UBE3D: variants seen among roughly 807,000 people sequenced by gnomAD.
The protein encoded by UBE3D is E3 ubiquitin-protein ligase E3D.
A neutral mutation model predicts 49.6 loss-of-function variants in UBE3D; 48 were observed. The ratio of observed to expected loss-of-function variants is 0.97; its 90% CI spans 0.77 to 1.23. The LOEUF (loss-of-function observed/expected upper bound fraction) is 1.23, where lower values mean the gene tolerates loss of function less well. Among genes scored for constraint, UBE3D ranks in the 50% most tolerant of loss-of-function variants. The pLI is 0.00. For missense variants in UBE3D, 452 were observed against 468.4 expected, an observed-to-expected ratio of 0.96 and a Z score of 0.32; for synonymous variants, 189 against 174.2, an observed-to-expected ratio of 1.08 and a Z score of -0.67.
At chr6:83,030,157 C>T (rs367939282) in intron 5 of UBE3D, among the ~76,000 whole-genome samples, 3 of 151,988 alleles carry the variant, frequency 2.0e-5, no homozygotes, top group Non-Finnish European at 4.4e-5. Flanking sequence ...ACCCTTTGTG[C>T]AGCAGGTGGT....
intron 9 of UBE3D, among the ~76,000 whole-genome samples, chr6:82,920,942 AT>A (rs377206246): frequency 0.14 from 18,608 of 136,654 alleles, 1,201 homozygotes; most frequent in South Asian, 0.16. Context: ...AAAAATGCTG[AT>A]TTTTTTTTTT....
chr6:82,914,805 A>G (rs1236070751), intron 9 of UBE3D, among the ~76,000 whole-genome samples: 1 of 152,140 alleles, frequency 6.6e-6, no homozygotes, highest in Non-Finnish European at 1.5e-5. Context: ...GCTTCCCAAC[A>G]TCTTTGTGAA....
intron 4 of UBE3D, among the ~76,000 whole-genome samples, chr6:83,039,162 T>TTA (rs1342021573): frequency 6.6e-6 from 1 of 152,190 alleles, no homozygotes; most frequent in Non-Finnish European, 1.5e-5. Context: ...CCATCCATAG[T>TTA]TATACCTTTG....
At chr6:82,914,707 A>G (rs1772783752) in intron 9 of UBE3D, among the ~76,000 whole-genome samples, 1 of 152,140 alleles carries the variant, frequency 6.6e-6, no homozygotes, top group Admixed American at 6.6e-5. Context: ...CTCATTTTTG[A>G]AAAAATAATT....
In UBE3D at chr6:83,007,372, T is replaced by C. The variant is rs183702175; in HGVS notation, c.1010+11601A>G. On this transcript the variant is annotated intron_variant, in intron 8 of 9. Transcript: ENST00000369747. Reference sequence around the variant, plus strand: ...GAAGAACCACTACCAATACCAATACTAGGACTCATGTAACTTACAAAGTGA... The same window carrying C: ...GAAGAACCACTACCAATACCAATACCAGGACTCATGTAACTTACAAAGTGA... Among the ~76,000 whole-genome samples the C allele has an allele frequency of 3.7e-4, 57 of 152,278 alleles. No individual in the cohort carries two copies. The East Asian group carries it at 9.5e-3, about 25-fold the overall frequency.
intron 5 of UBE3D, among the ~76,000 whole-genome samples, chr6:83,034,562 C>A (rs1332195982): frequency 6.6e-6 from 1 of 152,094 alleles, no homozygotes. Flanking sequence ...GTGATTGGAT[C>A]ATGGGGGTGG....
chr6:83,049,708 C>T (rs1783332681), intron 3 of UBE3D: 1 of 469,328 alleles, frequency 2.1e-6, no homozygotes, highest in African/African-American at 2.0e-5. Flanking sequence ...CACTACCTTA[C>T]CAGTGCAGGG....
chr6:83,058,271 G>A (rs941264704), intron 1 of UBE3D, among the ~76,000 whole-genome samples: 2 of 152,126 alleles, frequency 1.3e-5, no homozygotes, highest in Admixed American at 1.3e-4. Flanking sequence ...TCTTCCTTCT[G>A]AGAAGAGCAC....
intron 9 of UBE3D, among the ~76,000 whole-genome samples, chr6:82,953,988 T>C (rs1775981139): frequency 6.6e-6 from 1 of 152,032 alleles, no homozygotes; most frequent in African/African-American, 2.4e-5. Context: ...AGTCCACAGA[T>C]CCTACAGCCA....
chr6:82,939,316 A>G (rs944766874), intron 9 of UBE3D, among the ~76,000 whole-genome samples: 1 of 152,206 alleles, frequency 6.6e-6, no homozygotes, highest in Non-Finnish European at 1.5e-5. Context: ...AAGATTCTAT[A>G]TTTTTAGTTT....
At chr6:82,884,630 A>T in the UBE3D span, among the ~76,000 whole-genome samples, 2 of 152,326 alleles carry the variant, frequency 1.3e-5, no homozygotes, top group East Asian at 3.9e-4. Flanking sequence ...ATTATTCTTT[A>T]AATAGAAATA....
At chr6:83,010,155 TA>T (rs988529980) in intron 8 of UBE3D, among the ~76,000 whole-genome samples, 2 of 152,044 alleles carry the variant, frequency 1.3e-5, no homozygotes, top group Admixed American at 1.3e-4. Context: ...TATTGACAGT[TA>T]AAAAAATAGT....
intron 8 of UBE3D, among the ~76,000 whole-genome samples, chr6:82,975,718 A>T (rs971336256): frequency 7.9e-5 from 12 of 152,290 alleles, no homozygotes; most frequent in Middle Eastern, 3.4e-3. Context: ...GATAATTTTT[A>T]AAAAACTAAC....
At chr6:83,010,116 G>A (rs1562180901) in intron 8 of UBE3D, among the ~76,000 whole-genome samples, 1 of 151,948 alleles carries the variant, frequency 6.6e-6, no homozygotes, top group Non-Finnish European at 1.5e-5. Context: ...TTGTTCCAGT[G>A]AACAGTATGA....
intron 9 of UBE3D, among the ~76,000 whole-genome samples, 190 bp from the exon 10 acceptor site, chr6:82,893,232 C>T (rs1771066599): frequency 6.6e-6 from 1 of 151,478 alleles, no homozygotes; most frequent in Admixed American, 6.6e-5. Flanking sequence ...TTTTAATGAA[C>T]CATATAGTAA....
chr6:82,917,066 C>T (rs937735095), intron 9 of UBE3D, among the ~76,000 whole-genome samples: 3 of 152,156 alleles, frequency 2.0e-5, no homozygotes, highest in African/African-American at 4.8e-5. Context: ...GCTTTATCCT[C>T]CTTTTCTAAA....
chr6:82,987,879 T>C (rs1376994253), intron 8 of UBE3D, among the ~76,000 whole-genome samples: 1 of 152,202 alleles, frequency 6.6e-6, no homozygotes, highest in Non-Finnish European at 1.5e-5. Context: ...AAAGAATATC[T>C]TACAGCAATT....
At chr6:82,895,584 T>C (rs991412165) in intron 9 of UBE3D, among the ~76,000 whole-genome samples, 2 of 152,168 alleles carry the variant, frequency 1.3e-5, no homozygotes, top group Admixed American at 6.5e-5. Context: ...AGGATGTACA[T>C]GAAATTTGTA....
At chr6:82,936,591 C>G (rs1175672295) in intron 9 of UBE3D, among the ~76,000 whole-genome samples, 1 of 152,094 alleles carries the variant, frequency 6.6e-6, no homozygotes, top group African/African-American at 2.4e-5. Flanking sequence ...AGTCTGTGCT[C>G]TGTTATCACA....
Sources: allele counts gnomAD v4.1 joint callset (sites outside exome capture counted in the v4.1 genomes callset), GRCh38; gene constraint gnomAD v4.1.1; transcripts MANE v1.5; gene names NCBI Gene and HGNC (gene_info 2026-07-23, HGNC 2026-07-21).